Variants in RALYL observed in about 807,000 individuals in gnomAD.
RALYL encodes the protein RNA-binding Raly-like protein.
In RALYL, 29 loss-of-function variants were observed where a neutral mutation model predicts 35.1. The observed-to-expected ratio is 0.83, with a 90% CI of 0.61 to 1.13. The LOEUF is 1.13. Among genes scored for constraint, RALYL ranks in the 50% most tolerant of loss-of-function variants. The pLI is 0.00. For synonymous variants in RALYL, 120 were observed against 127.6 expected, an observed-to-expected ratio of 0.94 and a Z score of 0.40; for missense variants, 359 against 360.4, an observed-to-expected ratio of 1.00 and a Z score of 0.03.
chr8:84,253,722 A>G (rs1830686690), intron 1 of RALYL, among the ~76,000 whole-genome samples: 1 of 152,048 alleles, frequency 6.6e-6, no homozygotes, highest in South Asian at 2.1e-4. Context: ...AGGTCTCTTG[A>G]ATTAGGAAAT....
intron 2 of RALYL, among the ~76,000 whole-genome samples, chr8:84,680,169 AG>A (rs1275705301): frequency 5.9e-5 from 9 of 152,168 alleles, no homozygotes; most frequent in Non-Finnish European, 1.0e-4. Flanking sequence ...GTCCCTACAA[AG>A]GTCATGAACT....
At chr8:84,583,037 C>G (rs1397650082) in intron 2 of RALYL, among the ~76,000 whole-genome samples, 1 of 152,050 alleles carries the variant, frequency 6.6e-6, no homozygotes, top group Non-Finnish European at 1.5e-5. Context: ...ATAGAGCTGC[C>G]TTAGTAACAG....
intron 4 of RALYL, among the ~76,000 whole-genome samples, chr8:84,821,612 G>A (rs1041971874): frequency 6.6e-6 from 1 of 152,138 alleles, no homozygotes; most frequent in Admixed American, 6.6e-5. Flanking sequence ...TGTTCATCCA[G>A]CCAGGAGTGA....
intron 2 of RALYL, among the ~76,000 whole-genome samples, chr8:84,541,279 T>C (rs567834748): frequency 6.6e-6 from 1 of 152,048 alleles, no homozygotes; most frequent in African/African-American, 2.4e-5. Flanking sequence ...TCATCCCACA[T>C]GTTCTAGTAT....
chr8:84,381,646 G>T (rs1450694260), intron 1 of RALYL, among the ~76,000 whole-genome samples: 2 of 151,718 alleles, frequency 1.3e-5, no homozygotes, highest in Non-Finnish European at 2.9e-5. Flanking sequence ...ACAAATGTTT[G>T]GTGTGCATGC....
chr8:84,628,480 C>G (rs1251271348), intron 2 of RALYL, among the ~76,000 whole-genome samples: 1 of 152,116 alleles, frequency 6.6e-6, no homozygotes, highest in Non-Finnish European at 1.5e-5. Flanking sequence ...GGTAGACAAA[C>G]TTACTTTTAC....
At chr8:84,503,576 C>A (rs1481148818) in intron 1 of RALYL, among the ~76,000 whole-genome samples, 1 of 152,042 alleles carries the variant, frequency 6.6e-6, no homozygotes, top group Non-Finnish European at 1.5e-5. Flanking sequence ...CAAGGCCGGG[C>A]ATGGTGGCTC....
intron 1 of RALYL, among the ~76,000 whole-genome samples, chr8:84,375,737 CA>C (rs1388341736): frequency 1.3e-5 from 2 of 151,664 alleles, no homozygotes; most frequent in Non-Finnish European, 2.9e-5. Context: ...ACTTATTTGC[CA>C]AAGTAGATAT....
intron 1 of RALYL, among the ~76,000 whole-genome samples, chr8:84,528,110 AAAAATCAGAT>A (rs2059030849): frequency 6.6e-6 from 1 of 152,194 alleles, no homozygotes; most frequent in Admixed American, 6.5e-5. Context: ...AATGATTCTT[AAAAATCAGAT>A]GCACTTATTT....
intron 1 of RALYL, among the ~76,000 whole-genome samples, chr8:84,241,242 G>A (rs946378850): frequency 5.9e-5 from 9 of 152,090 alleles, no homozygotes; most frequent in African/African-American, 2.2e-4. Context: ...TATTATTGCC[G>A]TTATTCCCAT....
chr8:84,280,960 T>G (rs1836423149), intron 1 of RALYL, among the ~76,000 whole-genome samples: 1 of 152,152 alleles, frequency 6.6e-6, no homozygotes, highest in Non-Finnish European at 1.5e-5. Context: ...CTCTGTGATG[T>G]TGTGAGCCTG....
chr8:84,228,368 C>T (rs556691831), intron 1 of RALYL, among the ~76,000 whole-genome samples: 66 of 151,808 alleles, frequency 4.3e-4, no homozygotes, highest in Middle Eastern at 3.4e-3. Context: ...ATTTTGATGG[C>T]ACTTTTAATT....
At chr8:84,576,623 C>T (rs989175609) in intron 2 of RALYL, among the ~76,000 whole-genome samples, 3 of 152,174 alleles carry the variant, frequency 2.0e-5, no homozygotes, top group Non-Finnish European at 1.5e-5. Flanking sequence ...TGGCCTACAC[C>T]TCACTATACT....
At chr8:84,772,210 T>C (rs1422347241) in intron 2 of RALYL, among the ~76,000 whole-genome samples, 1 of 152,130 alleles carries the variant, frequency 6.6e-6, no homozygotes, top group African/African-American at 2.4e-5. Context: ...TCATGTTCAT[T>C]GGTCCCTTTC....
At chr8:84,804,515 A>T (rs1002676704) in intron 3 of RALYL, among the ~76,000 whole-genome samples, 7 of 152,136 alleles carry the variant, frequency 4.6e-5, no homozygotes, top group Admixed American at 4.6e-4. Flanking sequence ...TAATACTATG[A>T]TCATCTTAAT....
At chr8:84,326,639 G>C (rs1845848262) in intron 1 of RALYL, among the ~76,000 whole-genome samples, 1 of 152,064 alleles carries the variant, frequency 6.6e-6, no homozygotes, top group Non-Finnish European at 1.5e-5. Flanking sequence ...GCAGCAACAT[G>C]TTTCAAGATC....
intron 1 of RALYL, among the ~76,000 whole-genome samples, chr8:84,433,939 G>T (rs1307009995): frequency 6.6e-6 from 1 of 151,616 alleles, no homozygotes; most frequent in Non-Finnish European, 1.5e-5. Context: ...TTGTTTGTGG[G>T]TACCTCAATT....
At position 84,223,483 on chromosome 8, in the gene RALYL, C is replaced by T. The variant is rs1024354252; in HGVS notation, c.-24+39059C>T. ...CCATGGTAGAAGTTTGGAATATTCA[C>T]TATAAGAAAAGGGAGATGGAGGTGA... On this transcript the variant is annotated intron_variant, in intron 1 of 8. Coordinates refer to ENST00000521268, the MANE Select transcript of RALYL (RefSeq NM_173848.7). 2.6e-5 allele frequency among the ~76,000 whole-genome samples: 4 copies of T among 152,018 alleles called. No homozygotes were observed. The East Asian group carries it at 5.8e-4, about 22-fold the overall frequency.
At chr8:84,769,585 A>G (rs1211166700) in intron 2 of RALYL, among the ~76,000 whole-genome samples, 1 of 152,058 alleles carries the variant, frequency 6.6e-6, no homozygotes, top group African/African-American at 2.4e-5. Context: ...ACATGGTGAA[A>G]CCCTGTCTCT....
Sources: allele counts gnomAD v4.1 joint callset (sites outside exome capture counted in the v4.1 genomes callset), GRCh38; gene constraint gnomAD v4.1.1; transcripts MANE v1.5; gene names NCBI Gene and HGNC (gene_info 2026-07-23, HGNC 2026-07-21).